NRDC: variants seen among roughly 807,000 people sequenced by gnomAD.
The protein encoded by NRDC is nardilysin convertase, also known as nardilysin.
NRDC carries 54 observed loss-of-function variants against 147.1 expected under a neutral mutation model. That is an observed-to-expected ratio of 0.37 (90% confidence interval 0.29 to 0.46). The LOEUF is 0.46. NRDC is among the 20% of genes least tolerant of loss of function. The pLI is 1.00. For missense variants in NRDC, 1,082 were observed against 1,370.6 expected, an observed-to-expected ratio of 0.79 and a Z score of 3.33; for synonymous variants, 440 against 482.1, an observed-to-expected ratio of 0.91 and a Z score of 1.14.
At chr1:51,874,641 A>C (rs1369101083) in intron 1 of NRDC, among the ~76,000 whole-genome samples, 1 of 152,126 alleles carries the variant, frequency 6.6e-6, no homozygotes, top group Non-Finnish European at 1.5e-5. Context: ...AATAAATAGA[A>C]TACACCACTA....
At chr1:51,836,845 C>T (rs941807785) in intron 2 of NRDC, among the ~76,000 whole-genome samples, 3 of 151,918 alleles carry the variant, frequency 2.0e-5, no homozygotes, top group Admixed American at 6.5e-5. Context: ...GCATATATTA[C>T]TTATCAGTAT....
chr1:51,790,526 A>G lies in NRDC; in HGVS notation c.3168+7T>C. On this transcript the variant is annotated splice_region_variant and intron_variant, in intron 29 of 30. Coordinates refer to ENST00000352171, the MANE Select transcript of NRDC (RefSeq NM_001101662.2). ...TTTGAGCTGTCTTACTCTGAAAACC[A>G]TGTTACCTCGTGGGCAAGGCGGTCA... The G allele has an allele frequency of 6.3e-7, 1 of 1,588,114 alleles. No individual in the cohort carries two copies. Among genetic ancestry groups the G allele is most frequent in the East Asian group, 2.2e-5 (1 of 44,768 alleles).
intron 1 of NRDC, among the ~76,000 whole-genome samples, chr1:51,850,446 A>G (rs548447960): frequency 3.4e-4 from 52 of 152,334 alleles, no homozygotes; most frequent in African/African-American, 1.1e-3. Context: ...TAGAGCTGAA[A>G]CAGAACAGGG....
intron 4 of NRDC, among the ~76,000 whole-genome samples, chr1:51,829,458 ACT>A (rs1006431393): frequency 1.4e-4 from 22 of 152,304 alleles, no homozygotes; most frequent in African/African-American, 4.8e-4. Flanking sequence ...TGTAAGTGTA[ACT>A]CATCTTCCTT....
At chr1:51,803,494 G>T (rs1571848563) in intron 20 of NRDC, among the ~76,000 whole-genome samples, 1 of 144,338 alleles carries the variant, frequency 6.9e-6, no homozygotes, top group Non-Finnish European at 1.5e-5. Context: ...AAAAAAAAAG[G>T]TTATTCCTGT....
chr1:51,816,164 G>A (rs1285403480), intron 11 of NRDC, 148 bp downstream of exon 11: 9 of 399,294 alleles, frequency 2.3e-5, no homozygotes, highest in East Asian at 1.6e-4. Flanking sequence ...TTAAAATAAT[G>A]TAAGTTATTA....
At chr1:51,871,919 A>G (rs1374463911) in intron 1 of NRDC, among the ~76,000 whole-genome samples, 1 of 152,094 alleles carries the variant, frequency 6.6e-6, no homozygotes. Flanking sequence ...TGCCCAGCCT[A>G]GAGTGCAGTG....
At chr1:51,833,884 G>A (rs1042730977) in intron 4 of NRDC, 133 bp downstream of exon 4, 1 of 762,818 alleles carries the variant, frequency 1.3e-6, no homozygotes, top group African/African-American at 1.7e-5. Context: ...CAAAGTACTT[G>A]AGTTACAGGC....
chr1:51,873,418 A>G (rs1683173598), intron 1 of NRDC, among the ~76,000 whole-genome samples: 1 of 152,132 alleles, frequency 6.6e-6, no homozygotes, highest in Admixed American at 6.5e-5. Context: ...CATAATATTC[A>G]GAAATAGCCT....
rs781115760 is a variant in NRDC at position 51,792,110 on chromosome 1, C to T, written c.2824-12G>A. ...TCTTCCATGTGCATCTGTAATTCAA[C>T]ATACTGCCCATCAGCCCAACTCCTC... On this transcript the variant is annotated splice_polypyrimidine_tract_variant and intron_variant, in intron 25 of 30. Transcript: ENST00000352171. 4 of 1,613,712 alleles carry T rather than the reference C, an allele frequency of 2.5e-6. No individual in the cohort carries two copies. Among genetic ancestry groups the T allele is most frequent in the South Asian group, 2.2e-5 (2 of 91,048 alleles).
intron 6 of NRDC, among the ~76,000 whole-genome samples, 162 bp downstream of exon 6, chr1:51,825,125 G>A (rs1053350032): frequency 2.6e-5 from 4 of 152,152 alleles, no homozygotes; most frequent in African/African-American, 9.7e-5. Flanking sequence ...ACCAAATAGA[G>A]GCATATTTAA....
chr1:51,790,058 C>T (rs1191106577), intron 29 of NRDC, among the ~76,000 whole-genome samples: 1 of 152,140 alleles, frequency 6.6e-6, no homozygotes, highest in Non-Finnish European at 1.5e-5. Flanking sequence ...CTTTACATCA[C>T]AGAGCAATGA....
intron 1 of NRDC, among the ~76,000 whole-genome samples, chr1:51,876,049 C>T (rs2124156887): frequency 6.6e-6 from 1 of 152,242 alleles, no homozygotes; most frequent in East Asian, 1.9e-4. Context: ...ATTTATCAAA[C>T]AAATTTACCA....
In NRDC at chr1:51,794,593, G is replaced by A. The variant is rs1284254613; in HGVS notation, c.2654C>T (p.Pro885Leu). The A allele has an allele frequency of 2.5e-6, 4 of 1,614,174 alleles. No individual in the cohort carries two copies. Among genetic ancestry groups the A allele is most frequent in the East Asian group, 2.2e-5 (1 of 44,878 alleles). ...CTGCACAGGCATCTCCTGCTCCAGAGGCTTGAAGTTTAGTTTGCTGCAAGA... is the reference window on the plus strand; with the variant it reads ...CTGCACAGGCATCTCCTGCTCCAGAAGCTTGAAGTTTAGTTTGCTGCAAGA... ...KYVVDKLNFK[P>L]LEQEMPVQFQ... Residue 885 changes from proline to leucine, a missense_variant, in exon 24 of 31, where the codon CCT (proline) becomes CTT (leucine). By Grantham distance (98) the Pro-to-Leu change is moderately conservative (BLOSUM62 -3). Transcript: ENST00000352171.
chr1:51,815,132 C>A (rs1187662772), intron 11 of NRDC, among the ~76,000 whole-genome samples: 1 of 149,592 alleles, frequency 6.7e-6, no homozygotes, highest in African/African-American at 2.5e-5. Context: ...GAGAACAGCA[C>A]AAAATATTCA....
At chr1:51,852,867 G>A (rs1682043831) in intron 1 of NRDC, among the ~76,000 whole-genome samples, 1 of 152,020 alleles carries the variant, frequency 6.6e-6, no homozygotes, top group Admixed American at 6.6e-5. Context: ...CCAGCTAATA[G>A]AACAATGATA....
rs1259305754 is a variant in NRDC, at chr1:51,802,110, T to G, written c.2314-1427A>C. On this transcript the variant is annotated intron_variant, in intron 20 of 30. Transcript: ENST00000352171. ...CTGAGGTTTTTATACTTAATTAATTTCCTTCCATTCCTATGTATTAGGAAT... is the reference window on the plus strand; with the variant it reads ...CTGAGGTTTTTATACTTAATTAATTGCCTTCCATTCCTATGTATTAGGAAT... Among the ~76,000 whole-genome samples the G allele has an allele frequency of 3.9e-5, 6 of 152,264 alleles. No homozygotes were observed. The East Asian group carries it at 1.2e-3, about 29-fold the overall frequency.
intron 20 of NRDC, among the ~76,000 whole-genome samples, chr1:51,802,213 T>C (rs1679243051): frequency 6.6e-6 from 1 of 152,208 alleles, no homozygotes; most frequent in Non-Finnish European, 1.5e-5. Context: ...ACTTGTGTTG[T>C]GGTGACTTAT....
At chr1:51,844,694 A>G (rs1223077739) in intron 1 of NRDC, among the ~76,000 whole-genome samples, 2 of 148,432 alleles carry the variant, frequency 1.3e-5, no homozygotes, top group Admixed American at 6.7e-5. Flanking sequence ...CAGTGAGCCG[A>G]GATGGCGCCA....
Sources: allele counts gnomAD v4.1 joint callset (sites outside exome capture counted in the v4.1 genomes callset), GRCh38; gene constraint gnomAD v4.1.1; transcripts MANE v1.5; gene names NCBI Gene and HGNC (gene_info 2026-07-23, HGNC 2026-07-21).